Variants in DNAJC1 observed in about 807,000 individuals in gnomAD.
DNAJC1 encodes the protein DnaJ heat shock protein family (Hsp40) member C1.
DNAJC1 carries 58 observed loss-of-function variants against 76.6 expected under a neutral mutation model. The ratio of observed to expected loss-of-function variants is 0.76; its 90% CI spans 0.61 to 0.94. DNAJC1 has a LOEUF of 0.94. Ranked by LOEUF, DNAJC1 falls within the 40% of genes least tolerant of loss-of-function variation. The pLI, the probability that DNAJC1 is intolerant of heterozygous loss-of-function variation, is 0.00. For synonymous variants in DNAJC1, 258 were observed against 267.9 expected, an observed-to-expected ratio of 0.96 and a Z score of 0.36; for missense variants, 689 against 677.3, an observed-to-expected ratio of 1.02 and a Z score of -0.19.
intron 7 of DNAJC1, among the ~76,000 whole-genome samples, chr10:21,899,427 G>A (rs1836606400): frequency 6.6e-6 from 1 of 152,208 alleles, no homozygotes; most frequent in Non-Finnish European, 1.5e-5. Context: ...GCAACAGGCT[G>A]GAGTCTACCT....
intron 9 of DNAJC1, among the ~76,000 whole-genome samples, chr10:21,782,975 C>T (rs1834552797): frequency 6.6e-6 from 1 of 152,198 alleles, no homozygotes; most frequent in Admixed American, 6.5e-5. Context: ...GAAGCATTCC[C>T]TTTGAAAACT....
At chr10:21,762,003 G>A (rs1181278376) in intron 10 of DNAJC1, among the ~76,000 whole-genome samples, 1 of 152,162 alleles carries the variant, frequency 6.6e-6, no homozygotes, top group African/African-American at 2.4e-5. Context: ...TGCCTCCTGG[G>A]TTCAAGTGAT....
At chr10:21,946,318 A>C (rs998591609) in intron 1 of DNAJC1, among the ~76,000 whole-genome samples, 1 of 151,982 alleles carries the variant, frequency 6.6e-6, no homozygotes, top group Admixed American at 6.6e-5. Flanking sequence ...GATACACATA[A>C]AAATATTTTA....
chr10:21,903,301 A>T (rs1836688936), intron 7 of DNAJC1, among the ~76,000 whole-genome samples: 2 of 152,092 alleles, frequency 1.3e-5, no homozygotes, highest in Non-Finnish European at 2.9e-5. Flanking sequence ...TAATCTACCA[A>T]TTTTTCCTAA....
At chr10:21,771,703 G>C (rs1834379961) in intron 9 of DNAJC1, among the ~76,000 whole-genome samples, 1 of 152,016 alleles carries the variant, frequency 6.6e-6, no homozygotes, top group African/African-American at 2.4e-5. Context: ...TCACCACATT[G>C]GCCAGGCTGA....
intron 1 of DNAJC1, among the ~76,000 whole-genome samples, chr10:21,972,615 T>G (rs747521287): frequency 2.4e-4 from 36 of 152,166 alleles, no homozygotes; most frequent in Non-Finnish European, 4.9e-4. Context: ...TACTTTTCCC[T>G]TAAGAGTAAC....
chr10:21,817,829 A>G lies in DNAJC1; in HGVS notation c.979-11730T>C, dbSNP rs377071524. Reference sequence around the variant, plus strand: ...TCTGAACATAAATTGTGAAGATTTCATGGACACTTATCACTTCCCCAATCA... The same window carrying G: ...TCTGAACATAAATTGTGAAGATTTCGTGGACACTTATCACTTCCCCAATCA... On this transcript the variant is annotated intron_variant, in intron 8 of 11. Coordinates refer to ENST00000376980, the MANE Select transcript of DNAJC1 (RefSeq NM_022365.4). Among the ~76,000 whole-genome samples the G allele has an allele frequency of 3.7e-4, 56 of 152,264 alleles. No homozygotes were observed. In the East Asian group the frequency reaches 0.01, roughly 28 times the overall value.
chr10:21,983,577 G>A lies in DNAJC1; in HGVS notation c.222+19636C>T, dbSNP rs545444816. Reference sequence around the variant, plus strand: ...TCCACTAAAAATACAAAAATTAGCCGGGTGTGGTGGCACTCGCCTGTAAAT... The same window carrying A: ...TCCACTAAAAATACAAAAATTAGCCAGGTGTGGTGGCACTCGCCTGTAAAT... On this transcript the variant is annotated intron_variant, in intron 1 of 11. Transcript: ENST00000376980. 5.9e-5 allele frequency among the ~76,000 whole-genome samples: 9 copies of A among 152,156 alleles called. No homozygotes were observed. The South Asian group carries it at 8.3e-4, about 14-fold the overall frequency.
At chr10:21,823,916 T>A (rs989154722) in intron 8 of DNAJC1, among the ~76,000 whole-genome samples, 14 of 152,068 alleles carry the variant, frequency 9.2e-5, no homozygotes, top group African/African-American at 3.4e-4. Flanking sequence ...AATAAAAAAA[T>A]AAAGTGCACT....
chr10:21,907,310 GT>G lies in DNAJC1; in HGVS notation c.730-2699del, dbSNP rs559876011. Among the ~76,000 whole-genome samples the G allele has an allele frequency of 6.0e-3, 848 of 141,096 alleles. 3 individuals are homozygous for G. Among genetic ancestry groups the G allele is most frequent in the African/African-American group, 9.4e-3 (364 of 38,700 alleles). 92.6% of individuals were successfully genotyped at this position (141,096 alleles called of 152,430 possible). ...AAGCATTTATTTAAACATTCCTCAT[GT>G]TTTTTTTTTTTCATATCTTACCTAT... On this transcript the variant is annotated intron_variant, in intron 6 of 11. Transcript: ENST00000376980.
At chr10:21,898,627 A>C (rs2131738685) in intron 7 of DNAJC1, among the ~76,000 whole-genome samples, 1 of 148,956 alleles carries the variant, frequency 6.7e-6, no homozygotes, top group African/African-American at 2.5e-5. Flanking sequence ...ATCTTGGCTC[A>C]CTGCAACCTC....
intron 9 of DNAJC1, among the ~76,000 whole-genome samples, chr10:21,786,457 T>C (rs868791570): frequency 2.3e-5 from 1 of 44,440 alleles, no homozygotes; most frequent in African/African-American, 7.9e-5. Context: ...TATATATATA[T>C]ATATATAGAG....
chr10:21,829,307 G>A lies in DNAJC1; in HGVS notation c.979-23208C>T, dbSNP rs190530464. ...TTGGCTCACTGCAGCTCCGCCTCCCGGGTTCACACCATTCTCCTGCCTCAG... is the reference window on the plus strand; with the variant it reads ...TTGGCTCACTGCAGCTCCGCCTCCCAGGTTCACACCATTCTCCTGCCTCAG... On this transcript the variant is annotated intron_variant, in intron 8 of 11. Coordinates refer to ENST00000376980, the MANE Select transcript of DNAJC1 (RefSeq NM_022365.4). Among the ~76,000 whole-genome samples the A allele has an allele frequency of 1.3e-4, 19 of 151,910 alleles. No homozygotes were observed. The East Asian group carries it at 1.6e-3, about 12-fold the overall frequency.
intron 7 of DNAJC1, among the ~76,000 whole-genome samples, chr10:21,901,364 G>C (rs371784065): frequency 1.3e-5 from 2 of 152,022 alleles, no homozygotes; most frequent in East Asian, 3.9e-4. Flanking sequence ...TGCGATATGG[G>C]CTGTTTTAGT....
chr10:21,941,218 G>A (rs1258060617), intron 1 of DNAJC1, among the ~76,000 whole-genome samples: 6 of 131,140 alleles, frequency 4.6e-5, no homozygotes, highest in South Asian at 2.5e-4. Context: ...GCAGTGAGCC[G>A]AGATCGCGCC....
chr10:21,955,143 C>T (rs958197975), intron 1 of DNAJC1, among the ~76,000 whole-genome samples: 2 of 152,212 alleles, frequency 1.3e-5, no homozygotes, highest in Non-Finnish European at 2.9e-5. Flanking sequence ...CAGGGGGGAA[C>T]AGCCCCCAGT....
intron 1 of DNAJC1, among the ~76,000 whole-genome samples, chr10:21,957,340 A>G (rs975697348): frequency 2.0e-5 from 3 of 152,112 alleles, no homozygotes; most frequent in Non-Finnish European, 4.4e-5. Flanking sequence ...TAATACTTTC[A>G]TTGTCATCTT....
intron 7 of DNAJC1, among the ~76,000 whole-genome samples, chr10:21,894,107 TAAATG>T (rs1209005589): frequency 2.0e-5 from 3 of 152,184 alleles, no homozygotes; most frequent in Non-Finnish European, 4.4e-5. Context: ...ATGAAACAGA[TAAATG>T]AAACATGAAA....
At chr10:21,919,558 T>C (rs1211374362) in intron 5 of DNAJC1, among the ~76,000 whole-genome samples, 1 of 152,030 alleles carries the variant, frequency 6.6e-6, no homozygotes, top group East Asian at 1.9e-4. Context: ...AATAGTACTT[T>C]GTTTCTAAAG....
Sources: gnomAD v4.1 joint callset for allele counts (sites outside exome capture counted in the v4.1 genomes callset) on GRCh38, gnomAD v4.1.1 for gene constraint, MANE v1.5 for transcripts, NCBI Gene and HGNC (gene_info 2026-07-23, HGNC 2026-07-21) for gene names.